Variants in ITGA9 observed in about 807,000 individuals in gnomAD.
The protein encoded by ITGA9 is integrin alpha-9.
A neutral mutation model predicts 127.8 loss-of-function variants in ITGA9; 56 were observed. The ratio of observed to expected loss-of-function variants is 0.44; its 90% CI spans 0.35 to 0.55. The LOEUF is 0.55. Among genes scored for constraint, ITGA9 ranks in the 20% least tolerant of loss-of-function variants. The probability of loss-of-function intolerance (pLI) is 0.00; values close to 1 mark genes in which losing one functional copy is unlikely to be tolerated. For missense variants in ITGA9, 1,196 were observed against 1,347.1 expected (o/e 0.89, Z 1.76); for synonymous variants, 508 against 514.5 (o/e 0.99, Z 0.17).
At chr3:37,605,167 G>A (rs963791750) in intron 15 of ITGA9, among the ~76,000 whole-genome samples, 7 of 152,152 alleles carry the variant, frequency 4.6e-5, no homozygotes, top group African/African-American at 7.2e-5. Context: ...AACAGCAAAT[G>A]CCCATGGTTT....
At chr3:37,507,055 A>G (rs1275249481) in intron 7 of ITGA9, among the ~76,000 whole-genome samples, 1 of 152,142 alleles carries the variant, frequency 6.6e-6, no homozygotes, top group African/African-American at 2.4e-5. Flanking sequence ...TCCTGGGCAG[A>G]GGTTAGGAGC....
chr3:37,470,337 G>A (rs931017478), intron 1 of ITGA9, among the ~76,000 whole-genome samples: 3 of 152,148 alleles, frequency 2.0e-5, no homozygotes, highest in Non-Finnish European at 4.4e-5. Context: ...GCCACTAGCA[G>A]TGTATGAAGG....
chr3:37,647,227 GC>G (rs1342885407), intron 16 of ITGA9, among the ~76,000 whole-genome samples: 2 of 152,094 alleles, frequency 1.3e-5, no homozygotes, highest in African/African-American at 4.8e-5. Context: ...TAATAGCATT[GC>G]CCAAGTTAGG....
chr3:37,545,886 T>G (rs1417930905), intron 15 of ITGA9, among the ~76,000 whole-genome samples: 1 of 152,218 alleles, frequency 6.6e-6, no homozygotes, highest in East Asian at 1.9e-4. Context: ...GACCTGCCCC[T>G]TTCCTCCTGG....
Position 37,485,910 on chromosome 3 carries a change from A to AT in ITGA9, c.544+4304dup, listed in dbSNP as rs138115493. The stretch of plus-strand genomic sequence containing the variant: ...TGATGTGAGAACATCATTACCTACC[A>AT]TATGTTCTTTGGTTTTATCAGAATG... On this transcript the variant is annotated intron_variant, in intron 4 of 27. Transcript: ENST00000264741. Among the ~76,000 whole-genome samples, 338 of 152,326 alleles carry AT rather than the reference A, an allele frequency of 2.2e-3. 3 individuals are homozygous for AT. Among genetic ancestry groups the AT allele is most frequent in the Non-Finnish European group, 3.7e-3 (251 of 68,032 alleles).
chr3:37,800,134 G>A (rs1021526502), intron 26 of ITGA9, among the ~76,000 whole-genome samples: 1 of 152,170 alleles, frequency 6.6e-6, no homozygotes, highest in African/African-American at 2.4e-5. Context: ...GAACTTGACA[G>A]ACTAAACTGT....
At chr3:37,612,294 T>G (rs1575166674) in intron 15 of ITGA9, among the ~76,000 whole-genome samples, 1 of 152,154 alleles carries the variant, frequency 6.6e-6, no homozygotes. Context: ...ATACATAGAA[T>G]TACAAAGAAA....
Position 37,452,413 on chromosome 3 carries a change from C to G in ITGA9, c.39C>G (p.Leu13=). ...CTGCGCCGAGGGGCGCCGGGAGGCTCCGCGCGCTGCTGCTGGCGCTGGTGG... is the reference window on the plus strand; with the variant it reads ...CTGCGCCGAGGGGCGCCGGGAGGCTGCGCGCGCTGCTGCTGGCGCTGGTGG... ...GPAAPRGAGR[L]RALLLALVVA... Residue 13 remains leucine (L), a synonymous_variant, in exon 1 of 28, where the codon CTC becomes CTG. Transcript: ENST00000264741. This position sits in a 1 kb window ranked among gnomAD's most constrained non-coding sequence, Gnocchi z 7.3. 6.9e-7 allele frequency: 1 copy of G among 1,440,362 alleles called. No homozygotes were observed. Among genetic ancestry groups the G allele is most frequent in the Non-Finnish European group, 9.1e-7 (1 of 1,094,212 alleles). The allele number at this position is 1,440,362 out of a possible 1,614,324, so 89.2% of individuals were successfully genotyped here.
At chr3:37,765,767 A>G (rs536352598) in intron 23 of ITGA9, among the ~76,000 whole-genome samples, 3 of 152,320 alleles carry the variant, frequency 2.0e-5, no homozygotes, top group Admixed American at 1.3e-4. Context: ...AGTGTGGTTC[A>G]GAGGCTGCCC....
chr3:37,581,779 CT>C (rs1384264126), intron 15 of ITGA9, among the ~76,000 whole-genome samples: 1 of 152,194 alleles, frequency 6.6e-6, no homozygotes, highest in African/African-American at 2.4e-5. Flanking sequence ...CAGAGTGGGA[CT>C]TGGGATGGGC....
At chr3:37,502,421 G>T (rs1209312752) in intron 5 of ITGA9, among the ~76,000 whole-genome samples, 1 of 151,978 alleles carries the variant, frequency 6.6e-6, no homozygotes, top group Non-Finnish European at 1.5e-5. Flanking sequence ...CACCATGTTG[G>T]CCAGGCTGGT....
chr3:37,547,005 ATGGCAACAGT>A lies in ITGA9; in HGVS notation c.1689+4422_1689+4431del, dbSNP rs1316416921. On this transcript the variant is annotated intron_variant, in intron 15 of 27. Transcript: ENST00000264741. ...CAGGCTCTTCAGGACCAGGGAAACG[ATGGCAACAGT>A]TCTGAGTCTGATGCAGGGATGGCAG... 6.6e-5 allele frequency among the ~76,000 whole-genome samples: 10 copies of A among 152,186 alleles called. No homozygotes were observed. In the South Asian group the frequency reaches 2.1e-3, roughly 32 times the overall value.
chr3:37,687,822 T>C (rs1700795975), intron 18 of ITGA9, among the ~76,000 whole-genome samples: 2 of 152,190 alleles, frequency 1.3e-5, no homozygotes, highest in South Asian at 2.1e-4. Context: ...AAGCATACCC[T>C]GATACAATGA....
At chr3:37,816,754 G>A (rs1656697492) in intron 27 of ITGA9, among the ~76,000 whole-genome samples, 1 of 152,144 alleles carries the variant, frequency 6.6e-6, no homozygotes, top group African/African-American at 2.4e-5. Flanking sequence ...GTCTTATGCT[G>A]GGAAGAAACC....
At chr3:37,615,167 T>TA (rs1031953826) in intron 15 of ITGA9, among the ~76,000 whole-genome samples, 4 of 152,232 alleles carry the variant, frequency 2.6e-5, no homozygotes, top group African/African-American at 9.6e-5. Flanking sequence ...TGAGAGTTTT[T>TA]AGCATGAAGC....
intron 18 of ITGA9, among the ~76,000 whole-genome samples, chr3:37,731,991 T>C (rs1696297888): frequency 6.6e-6 from 1 of 152,212 alleles, no homozygotes; most frequent in South Asian, 2.1e-4. Flanking sequence ...AAACATACTG[T>C]TTCCGCTTGG....
chr3:37,666,093 C>G (rs975378326), intron 17 of ITGA9, among the ~76,000 whole-genome samples: 2 of 152,086 alleles, frequency 1.3e-5, no homozygotes, highest in Non-Finnish European at 2.9e-5. Flanking sequence ...CACAATGCTC[C>G]CAGTCTAGAA....
intron 15 of ITGA9, among the ~76,000 whole-genome samples, chr3:37,550,103 A>T (rs1192219206): frequency 1.3e-5 from 2 of 152,212 alleles, no homozygotes; most frequent in African/African-American, 4.8e-5. Flanking sequence ...AGAAGAGTGA[A>T]GGGACTTGCT....
intron 4 of ITGA9, among the ~76,000 whole-genome samples, chr3:37,489,691 CTT>C (rs10579497): frequency 0.022 from 2,868 of 132,202 alleles, 60 homozygotes; most frequent in African/African-American, 0.06. Context: ...TATAATTGCC[CTT>C]TTTTTTTTTT....
Sources: gnomAD v4.1 joint callset for allele counts (sites outside exome capture counted in the v4.1 genomes callset) on GRCh38, gnomAD v4.1.1 for gene constraint, Gnocchi (gnomAD v3.1) non-coding constraint, MANE v1.5 for transcripts, NCBI Gene and HGNC (gene_info 2026-07-23, HGNC 2026-07-21) for gene names.